The following RORA variants were observed in gnomAD, a reference collection of about 807,000 sequenced individuals.
RORA encodes the protein nuclear receptor ROR-alpha.
A neutral mutation model predicts 69.5 loss-of-function variants in RORA; 7 were observed. The observed-to-expected ratio is 0.10, with a 90% CI of 0.06 to 0.19. RORA has a LOEUF of 0.19. RORA is among the 10% of genes least tolerant of loss of function. RORA has a pLI of 1.00. For missense variants in RORA, 457 were observed against 663.0 expected, an observed-to-expected ratio of 0.69 and a Z score of 3.41; for synonymous variants, 261 against 240.8, an observed-to-expected ratio of 1.08 and a Z score of -0.78.
rs570759165 is a variant in RORA, at chr15:60,929,408, A to G, written c.167-250722T>C. Among the ~76,000 whole-genome samples, 4 of 152,298 alleles carry G rather than the reference A, an allele frequency of 2.6e-5. No individual in the cohort carries two copies. The South Asian group carries it at 8.3e-4, about 32-fold the overall frequency. On this transcript the variant is annotated intron_variant, in intron 1 of 10. Transcript: ENST00000335670. Reference sequence around the variant, plus strand: ...GTTGAGAGGAAGGCAGCGGGAAATAAATTTATGTTAGAGGGAAGGTACTTG... The same window carrying G: ...GTTGAGAGGAAGGCAGCGGGAAATAGATTTATGTTAGAGGGAAGGTACTTG...
At chr15:60,869,971 T>C (rs2073536206) in intron 1 of RORA, among the ~76,000 whole-genome samples, 1 of 152,230 alleles carries the variant, frequency 6.6e-6, no homozygotes, top group Admixed American at 6.5e-5. Context: ...GAGGACTCTT[T>C]GTGTTCCTTG....
At chr15:60,528,991 G>C (rs8024203) in intron 3 of RORA, 152,349 of 152,354 alleles carry the variant, frequency 1, 76,172 homozygotes, top group Non-Finnish European at 1. Context: ...GAACTAGGAA[G>C]AGCCAGAAAT....
chr15:60,797,660 C>T (rs528406485), intron 1 of RORA, among the ~76,000 whole-genome samples: 1 of 152,258 alleles, frequency 6.6e-6, no homozygotes, highest in South Asian at 2.1e-4. Context: ...TAACTCCTTA[C>T]GGGCCCAGCC....
intron 2 of RORA, among the ~76,000 whole-genome samples, chr15:60,584,849 T>C (rs2068286969): frequency 6.6e-6 from 1 of 152,166 alleles, no homozygotes; most frequent in South Asian, 2.1e-4. Flanking sequence ...TGTAAAACGG[T>C]TGGCTTCAAT....
chr15:60,883,154 AAGAGAGAG>A (rs144718187), intron 1 of RORA, among the ~76,000 whole-genome samples: 6 of 94,040 alleles, frequency 6.4e-5, no homozygotes, highest in Non-Finnish European at 1.3e-4. Context: ...AAAAAAAAGA[AAGAGAGAG>A]AGAGAGAGAG....
chr15:60,825,555 T>C (rs1049266630), intron 1 of RORA, among the ~76,000 whole-genome samples: 1 of 152,158 alleles, frequency 6.6e-6, no homozygotes, highest in Non-Finnish European at 1.5e-5. Flanking sequence ...AGAGGCATTA[T>C]AGTGAAATCC....
At chr15:60,713,913 C>T (rs1161271640) in intron 1 of RORA, among the ~76,000 whole-genome samples, 2 of 152,220 alleles carry the variant, frequency 1.3e-5, no homozygotes, top group Admixed American at 6.5e-5. Flanking sequence ...CCTAGCCTTT[C>T]AAGCTAAGAC....
chr15:60,553,810 C>T (rs1055301610), intron 2 of RORA, among the ~76,000 whole-genome samples: 1 of 152,150 alleles, frequency 6.6e-6, no homozygotes, highest in African/African-American at 2.4e-5. Context: ...CATTAGTTCC[C>T]ACATATATTT....
At chr15:60,508,399 A>G (rs912458282) in intron 5 of RORA, among the ~76,000 whole-genome samples, 3 of 152,210 alleles carry the variant, frequency 2.0e-5, no homozygotes, top group African/African-American at 7.2e-5. Flanking sequence ...ATCTGGTCCA[A>G]ACTGTCCTTG....
intron 1 of RORA, among the ~76,000 whole-genome samples, chr15:60,800,432 A>G (rs2072562925): frequency 6.6e-6 from 1 of 152,212 alleles, no homozygotes; most frequent in Admixed American, 6.5e-5. Context: ...TCGTTTTGGT[A>G]ACAGCGTCTC....
rs185460834 is a variant in RORA at position 60,749,469 on chromosome 15, A to G, written c.167-70783T>C. On this transcript the variant is annotated intron_variant, in intron 1 of 10. Coordinates refer to ENST00000335670, the MANE Select transcript of RORA (RefSeq NM_134261.3). ...ATGTAGTCAAATATTGAACTGTTTT[A>G]GCTATTTTAGGAGATTAATTTACAC... Among the ~76,000 whole-genome samples, 3 of 152,306 alleles carry G rather than the reference A, an allele frequency of 2.0e-5. No individual in the cohort carries two copies. The East Asian group carries it at 5.8e-4, about 29-fold the overall frequency.
chr15:61,007,411 A>T (rs933487872), intron 1 of RORA, among the ~76,000 whole-genome samples: 1 of 152,190 alleles, frequency 6.6e-6, no homozygotes, highest in Non-Finnish European at 1.5e-5. Context: ...AGGTAAAAAA[A>T]CTAATTGGAA....
intron 2 of RORA, chr15:60,557,022 G>A: frequency 3.0e-6 from 3 of 1,008,906 alleles, no homozygotes; most frequent in Non-Finnish European, 4.5e-6. Flanking sequence ...TGCTTGAACA[G>A]CAATAAGTAC....
intron 1 of RORA, among the ~76,000 whole-genome samples, chr15:60,686,400 T>C (rs979072033): frequency 6.6e-6 from 1 of 152,250 alleles, no homozygotes; most frequent in African/African-American, 2.4e-5. Flanking sequence ...CAAAGTATGA[T>C]TAGTACTTAT....
intron 1 of RORA, among the ~76,000 whole-genome samples, chr15:61,218,628 T>A (rs2080063587): frequency 6.6e-6 from 1 of 151,868 alleles, no homozygotes; most frequent in South Asian, 2.1e-4. Context: ...CTTTATCATT[T>A]CATCATTTTG....
chr15:60,746,589 C>G (rs2071652286), intron 1 of RORA, among the ~76,000 whole-genome samples: 1 of 152,140 alleles, frequency 6.6e-6, no homozygotes, highest in Non-Finnish European at 1.5e-5. Flanking sequence ...CAAGAGAAAA[C>G]TGAAACCTTT....
At chr15:60,719,135 G>A (rs2071261391) in intron 1 of RORA, among the ~76,000 whole-genome samples, 1 of 152,132 alleles carries the variant, frequency 6.6e-6, no homozygotes, top group African/African-American at 2.4e-5. Context: ...CTGTAAATTT[G>A]AATATGGACT....
chr15:61,097,278 G>C (rs1239866031), intron 1 of RORA, among the ~76,000 whole-genome samples: 1 of 152,218 alleles, frequency 6.6e-6, no homozygotes, highest in Non-Finnish European at 1.5e-5. Flanking sequence ...CATTGGGCTG[G>C]TTAAATATCT....
At chr15:60,987,453 TCA>T (rs1894239503) in intron 1 of RORA, among the ~76,000 whole-genome samples, 1 of 152,198 alleles carries the variant, frequency 6.6e-6, no homozygotes. Context: ...CCTCTCTGAA[TCA>T]CAGATTCTTT....
Sources: allele counts gnomAD v4.1 joint callset (sites outside exome capture counted in the v4.1 genomes callset), GRCh38; gene constraint gnomAD v4.1.1; transcripts MANE v1.5; gene names NCBI Gene and HGNC (gene_info 2026-07-23, HGNC 2026-07-21).